Variants in ALK observed in about 807,000 individuals in gnomAD.
ALK encodes ALK tyrosine kinase receptor.
Under a neutral mutation model 163.1 loss-of-function variants are expected in ALK, and 74 were observed. The observed-to-expected ratio is 0.45, with a 90% CI of 0.38 to 0.55. ALK has a LOEUF of 0.55. ALK is among the 20% of genes least tolerant of loss of function. ALK has a pLI of 0.00. For synonymous variants in ALK, 960 were observed against 843.2 expected (o/e 1.14, Z -2.40); for missense variants, 2,063 against 2,105.3 (o/e 0.98, Z 0.39).
chr2:29,356,361 G>C (rs988928523), intron 5 of ALK, among the ~76,000 whole-genome samples: 2 of 152,080 alleles, frequency 1.3e-5, no homozygotes, highest in Non-Finnish European at 2.9e-5. Flanking sequence ...AGCTTACACG[G>C]CTAGTGAGGG....
chr2:29,390,993 C>T (rs996478613), intron 4 of ALK, among the ~76,000 whole-genome samples: 2 of 152,152 alleles, frequency 1.3e-5, no homozygotes, highest in East Asian at 3.9e-4. Context: ...GATCTGGCTT[C>T]CAATGGCCCA....
intron 4 of ALK, among the ~76,000 whole-genome samples, chr2:29,466,993 C>A (rs957415334): frequency 1.3e-5 from 2 of 152,132 alleles, no homozygotes; most frequent in African/African-American, 4.8e-5. Flanking sequence ...TTTTTGGGAA[C>A]TGCCGCATCT....
chr2:29,732,292 C>G (rs1389897129), intron 1 of ALK, among the ~76,000 whole-genome samples: 1 of 152,168 alleles, frequency 6.6e-6, no homozygotes, highest in Non-Finnish European at 1.5e-5. Flanking sequence ...TACCAAGCAA[C>G]TGCTGTAGTC....
chr2:29,376,062 G>A (rs932613621), intron 5 of ALK, among the ~76,000 whole-genome samples: 5 of 151,824 alleles, frequency 3.3e-5, no homozygotes, highest in South Asian at 2.1e-4. Context: ...CCCTCTGGCC[G>A]GAAAGATGTC....
At chr2:29,706,267 C>T (rs1678909231) in intron 2 of ALK, among the ~76,000 whole-genome samples, 1 of 152,236 alleles carries the variant, frequency 6.6e-6, no homozygotes, top group African/African-American at 2.4e-5. Context: ...ACCCAGGGGG[C>T]CTGACTTCCA....
chr2:29,425,878 A>G (rs1670123529), intron 4 of ALK, among the ~76,000 whole-genome samples: 1 of 152,230 alleles, frequency 6.6e-6, no homozygotes, highest in Non-Finnish European at 1.5e-5. Flanking sequence ...ACTATCTACA[A>G]CAAGCTAAAC....
At chr2:29,289,508 T>G (rs1438523699) in intron 9 of ALK, among the ~76,000 whole-genome samples, 2 of 152,214 alleles carry the variant, frequency 1.3e-5, no homozygotes, top group Non-Finnish European at 2.9e-5. Context: ...CCAGCCCCTG[T>G]AGCTTCGGGA....
chr2:29,303,117 A>C (rs1288065078), intron 8 of ALK, among the ~76,000 whole-genome samples: 2 of 152,216 alleles, frequency 1.3e-5, no homozygotes, highest in African/African-American at 4.8e-5. Flanking sequence ...CAAACTATGC[A>C]TCCAAGAAGG....
At chr2:29,237,607 C>T (rs1165390265) in intron 13 of ALK, among the ~76,000 whole-genome samples, 13 of 152,094 alleles carry the variant, frequency 8.5e-5, no homozygotes. Flanking sequence ...CAATATATCC[C>T]AAGTTCCTGT....
At chr2:29,751,231 G>A (rs1418477847) in intron 1 of ALK, among the ~76,000 whole-genome samples, 3 of 143,332 alleles carry the variant, frequency 2.1e-5, no homozygotes, top group Admixed American at 1.4e-4. Flanking sequence ...GTGAGTGAGG[G>A]TGGCCTAGGA....
chr2:29,605,675 G>A (rs981129771), intron 3 of ALK, among the ~76,000 whole-genome samples: 3 of 152,146 alleles, frequency 2.0e-5, no homozygotes, highest in African/African-American at 4.8e-5. Context: ...ACCAGAAACC[G>A]GCCATGTGAG....
chr2:29,899,491 T>C (rs1031677620), intron 1 of ALK: 7 of 152,168 alleles, frequency 4.6e-5, no homozygotes, highest in African/African-American at 1.7e-4. Flanking sequence ...TGAATTAACC[T>C]ACCCTGGAGT....
At chr2:29,400,962 T>A (rs1669430140) in intron 4 of ALK, among the ~76,000 whole-genome samples, 2 of 149,952 alleles carry the variant, frequency 1.3e-5, no homozygotes, top group African/African-American at 4.9e-5. Flanking sequence ...GCAAACAGAG[T>A]GAGACTCTGT....
intron 3 of ALK, among the ~76,000 whole-genome samples, chr2:29,551,618 A>C (rs1000434512): frequency 1.1e-4 from 16 of 152,186 alleles, no homozygotes; most frequent in Non-Finnish European, 2.1e-4. Flanking sequence ...CTGTATAAAC[A>C]ACTAGGAAGT....
chr2:29,300,269 C>T (rs2148233916), intron 8 of ALK, among the ~76,000 whole-genome samples: 1 of 152,236 alleles, frequency 6.6e-6, no homozygotes, highest in South Asian at 2.1e-4. Context: ...ACATACCTGG[C>T]CGGGCACGGT....
At chr2:29,383,656 C>A (rs1247499487) in intron 5 of ALK, 76 bp downstream of exon 5, 19 of 1,600,680 alleles carry the variant, frequency 1.2e-5, no homozygotes, top group Admixed American at 5.0e-5. Flanking sequence ...CATTCCCAGC[C>A]AAACATGGTT....
chr2:29,517,961 G>A (rs566332408), intron 4 of ALK, among the ~76,000 whole-genome samples: 3 of 152,238 alleles, frequency 2.0e-5, no homozygotes, highest in South Asian at 2.1e-4. Flanking sequence ...GTCAAACTCC[G>A]TTTGTAAATT....
At chr2:29,876,869 T>C (rs1041311736) in intron 1 of ALK, among the ~76,000 whole-genome samples, 1 of 152,090 alleles carries the variant, frequency 6.6e-6, no homozygotes, top group African/African-American at 2.4e-5. Flanking sequence ...GAATGCTCTG[T>C]GTTTGTAGAT....
At position 29,225,506 on chromosome 2, in the gene ALK, C is replaced by A. The variant is rs761736018; in HGVS notation, c.3127G>T (p.Ala1043Ser). The part of the protein sequence containing the change: ...LSLILSVVTS[A>S]LVAALVLAFS... ...GCCAGGACCAGGGCGGCCACGAGGG[C>A]AGAGGTCACCACAGAGAGGATCAGC... is the stretch of plus-strand genomic sequence containing the variant. Residue 1043 changes from alanine to serine, a missense_variant, in exon 19 of 29, where the codon GCC becomes TCC. Coordinates refer to ENST00000389048, the MANE Select transcript of ALK (RefSeq NM_004304.5). The A allele has an allele frequency of 1.2e-6, 2 of 1,613,432 alleles. No homozygotes were observed.
Sources: allele counts gnomAD v4.1 joint callset (sites outside exome capture counted in the v4.1 genomes callset), GRCh38; gene constraint gnomAD v4.1.1; transcripts MANE v1.5; gene names NCBI Gene and HGNC (gene_info 2026-07-23, HGNC 2026-07-21).